Variants in WDR27 observed in about 807,000 individuals in gnomAD.
WDR27 encodes the protein WD repeat domain 27.
Under a neutral mutation model 114.4 loss-of-function variants are expected in WDR27, and 100 were observed. The ratio of observed to expected loss-of-function variants is 0.87; its 90% confidence interval spans 0.74 to 1.03. WDR27 has a LOEUF of 1.03. WDR27 is among the 50% of genes least tolerant of loss of function. The probability of loss-of-function intolerance (pLI) is 0.00; values close to 1 mark genes in which losing one functional copy is unlikely to be tolerated. For missense variants in WDR27, 1,129 were observed against 1,092.9 expected, an observed-to-expected ratio of 1.03 and a Z score of -0.47; for synonymous variants, 449 against 423.1, an observed-to-expected ratio of 1.06 and a Z score of -0.75.
intron 23 of WDR27, among the ~76,000 whole-genome samples, chr6:169,586,596 C>T (rs1447726832): frequency 1.3e-5 from 2 of 152,142 alleles, no homozygotes; most frequent in Non-Finnish European, 1.5e-5. Context: ...CGGTGGCTCA[C>T]GCCTGTAATC....
At chr6:169,639,213 T>C (rs915452541) in intron 17 of WDR27, among the ~76,000 whole-genome samples, 2 of 151,646 alleles carry the variant, frequency 1.3e-5, no homozygotes. Context: ...TGCTGGGTAC[T>C]GCGTGGTGCC....
chr6:169,648,157 C>T (rs993505626), intron 15 of WDR27, among the ~76,000 whole-genome samples: 2 of 152,220 alleles, frequency 1.3e-5, no homozygotes, highest in Non-Finnish European at 2.9e-5. Flanking sequence ...AGTACTGTGA[C>T]GATTTGGGGG....
chr6:169,518,099 G>T (rs1356691890), intron 25 of WDR27, among the ~76,000 whole-genome samples: 1 of 152,216 alleles, frequency 6.6e-6, no homozygotes, highest in Non-Finnish European at 1.5e-5. Flanking sequence ...GCCCCTATGG[G>T]TTTGCAGGCT....
At chr6:169,567,149 G>A (rs776815891) in intron 25 of WDR27, among the ~76,000 whole-genome samples, 20 of 152,180 alleles carry the variant, frequency 1.3e-4, no homozygotes, top group Non-Finnish European at 2.4e-4. Flanking sequence ...CTGTGACAGT[G>A]ACACCTGGGG....
intron 25 of WDR27, among the ~76,000 whole-genome samples, chr6:169,488,057 A>T (rs1789185125): frequency 6.6e-6 from 1 of 152,220 alleles, no homozygotes; most frequent in South Asian, 2.1e-4. Flanking sequence ...ATGATGGACA[A>T]TGGGGAAGTG....
chr6:169,528,769 C>A (rs186633490), intron 25 of WDR27, among the ~76,000 whole-genome samples: 1 of 152,160 alleles, frequency 6.6e-6, no homozygotes, highest in Non-Finnish European at 1.5e-5. Context: ...TCAAGTGATC[C>A]GCCCGCTTCA....
At chr6:169,638,461 G>A in intron 18 of WDR27, 78 bp downstream of exon 18, 1 of 1,545,020 alleles carries the variant, frequency 6.5e-7, no homozygotes. Flanking sequence ...CTCCTGTTAA[G>A]GTAAAAGAAT....
chr6:169,508,759 T>G (rs1372370496), intron 25 of WDR27, among the ~76,000 whole-genome samples: 1 of 152,240 alleles, frequency 6.6e-6, no homozygotes, highest in Non-Finnish European at 1.5e-5. Context: ...TGTTTAAAAC[T>G]TATAATTATG....
intron 25 of WDR27, among the ~76,000 whole-genome samples, chr6:169,458,381 C>T (rs922754934): frequency 2.6e-5 from 4 of 152,208 alleles, no homozygotes; most frequent in African/African-American, 7.2e-5. Flanking sequence ...CACATGGCTA[C>T]AAGCCCCTTT....
chr6:169,617,243 AG>A (rs1812055817), intron 21 of WDR27, among the ~76,000 whole-genome samples: 1 of 152,156 alleles, frequency 6.6e-6, no homozygotes, highest in Non-Finnish European at 1.5e-5. Context: ...CAAAGGGAAA[AG>A]CCGGCATGTG....
At chr6:169,466,854 C>T (rs1785656963) in intron 25 of WDR27, among the ~76,000 whole-genome samples, 1 of 152,198 alleles carries the variant, frequency 6.6e-6, no homozygotes, top group African/African-American at 2.4e-5. Flanking sequence ...TAACTCATTC[C>T]AGCATTAACC....
intron 25 of WDR27, among the ~76,000 whole-genome samples, chr6:169,509,314 A>G (rs910660030): frequency 6.6e-6 from 1 of 152,208 alleles, no homozygotes; most frequent in African/African-American, 2.4e-5. Context: ...AAGAGCCCGC[A>G]TTGCCAAGTC....
At chr6:169,619,222 G>A (rs1055870685) in intron 21 of WDR27, among the ~76,000 whole-genome samples, 3 of 152,168 alleles carry the variant, frequency 2.0e-5, no homozygotes, top group Non-Finnish European at 2.9e-5. Context: ...TTAAAAGAGA[G>A]GAACTCTCCT....
At chr6:169,610,830 G>A (rs1451577553) in intron 22 of WDR27, among the ~76,000 whole-genome samples, 1 of 152,148 alleles carries the variant, frequency 6.6e-6, no homozygotes, top group African/African-American at 2.4e-5. Flanking sequence ...ACTTGTAAGT[G>A]GGAGCTAAGC....
chr6:169,602,270 G>A lies in WDR27; in HGVS notation c.2373C>T (p.Ile791=), dbSNP rs771282139. The A allele has an allele frequency of 4.5e-6, 7 of 1,567,012 alleles. 1 individual carries two copies. The highest frequency in any genetic ancestry group is 4.7e-5 in the East Asian group (2 of 42,500). Residue 791 remains isoleucine (I), a synonymous_variant, in exon 23 of 26, where the codon ATC becomes ATT. Coordinates refer to ENST00000448612, the MANE Select transcript of WDR27 (RefSeq NM_182552.5). ...GHPTRGYPCG[I]AFSPCGRFAA... is the part of the protein sequence containing the mutation. ...CGAATCGTCCACAAGGACTGAAAGCGATTCCACATGGATAGCCGCGGGTTG... is the reference window on the plus strand; with the variant it reads ...CGAATCGTCCACAAGGACTGAAAGCAATTCCACATGGATAGCCGCGGGTTG...
intron 25 of WDR27, among the ~76,000 whole-genome samples, chr6:169,547,913 A>G (rs1797658316): frequency 6.6e-6 from 1 of 151,832 alleles, no homozygotes; most frequent in Non-Finnish European, 1.5e-5. Context: ...GAAAGAATTT[A>G]CCAAAAAAAA....
At chr6:169,440,587 CCTAT>C in the WDR27 span, among the ~76,000 whole-genome samples, 3 of 152,058 alleles carry the variant, frequency 2.0e-5, no homozygotes, top group Admixed American at 6.5e-5. Context: ...CCTCTTAATG[CCTAT>C]CTTTTTCACT....
intron 22 of WDR27, among the ~76,000 whole-genome samples, chr6:169,611,414 T>C (rs1810499638): frequency 6.6e-6 from 1 of 151,282 alleles, no homozygotes; most frequent in Non-Finnish European, 1.5e-5. Flanking sequence ...CAAGTGATTC[T>C]CCTGACTCAT....
chr6:169,692,416 G>A (rs923710716), intron 1 of WDR27, among the ~76,000 whole-genome samples: 1 of 152,146 alleles, frequency 6.6e-6, no homozygotes, highest in Non-Finnish European at 1.5e-5. Flanking sequence ...TATGAGCACA[G>A]GAGCTGCCAA....
Sources: gnomAD v4.1 joint callset for allele counts (sites outside exome capture counted in the v4.1 genomes callset) on GRCh38, gnomAD v4.1.1 for gene constraint, MANE v1.5 for transcripts, NCBI Gene and HGNC (gene_info 2026-07-23, HGNC 2026-07-21) for gene names.